The following FILIP1 variants were observed in gnomAD, a reference collection of about 807,000 sequenced individuals.
FILIP1 encodes filamin A interacting protein 1.
In FILIP1, 61 loss-of-function variants were observed where a neutral mutation model predicts 102.1. That is an observed-to-expected ratio of 0.60 (90% confidence interval 0.49 to 0.74). The LOEUF is 0.74. FILIP1 is among the 30% of genes least tolerant of loss of function. The probability of loss-of-function intolerance (pLI) is 0.00; values close to 1 mark genes in which losing one functional copy is unlikely to be tolerated. For synonymous variants in FILIP1, 491 were observed against 526.9 expected (o/e 0.93, Z 0.93); for missense variants, 1,314 against 1,441.2 (o/e 0.91, Z 1.43).
intron 1 of FILIP1, among the ~76,000 whole-genome samples, chr6:75,477,126 A>G (rs992319981): frequency 6.6e-6 from 1 of 152,238 alleles, no homozygotes; most frequent in African/African-American, 2.4e-5. Context: ...GCTTTCATGT[A>G]TATTAATGTT....
chr6:75,476,645 T>G (rs1315653030), intron 1 of FILIP1, among the ~76,000 whole-genome samples: 2 of 152,192 alleles, frequency 1.3e-5, no homozygotes, highest in Non-Finnish European at 2.9e-5. Flanking sequence ...GTTGCTCCAA[T>G]GCACTTATGA....
At chr6:75,421,635 T>C (rs1389219365) in intron 1 of FILIP1, among the ~76,000 whole-genome samples, 1 of 152,144 alleles carries the variant, frequency 6.6e-6, no homozygotes, top group Non-Finnish European at 1.5e-5. Flanking sequence ...TCGTACTGAC[T>C]TCCTCTGCTA....
chr6:75,350,289 G>C (rs945901620), intron 4 of FILIP1, among the ~76,000 whole-genome samples: 1 of 152,012 alleles, frequency 6.6e-6, no homozygotes, highest in Admixed American at 6.6e-5. Flanking sequence ...AAAATTAAGT[G>C]AGAGTCAAAG....
chr6:75,386,713 C>T (rs1776106347), intron 2 of FILIP1, among the ~76,000 whole-genome samples: 1 of 152,180 alleles, frequency 6.6e-6, no homozygotes, highest in Admixed American at 6.6e-5. Context: ...ACGAAGAAAA[C>T]AATTACGTAA....
chr6:75,440,199 T>G (rs1778164656), intron 1 of FILIP1, among the ~76,000 whole-genome samples: 1 of 152,184 alleles, frequency 6.6e-6, no homozygotes, highest in African/African-American at 2.4e-5. Flanking sequence ...AATCTAACAT[T>G]ATTTCAGAAT....
chr6:75,395,306 G>A (rs187637208), intron 2 of FILIP1, among the ~76,000 whole-genome samples: 2 of 152,002 alleles, frequency 1.3e-5, no homozygotes, highest in East Asian at 3.9e-4. Context: ...CTGAGACGGA[G>A]TCTCGCTCTG....
At chr6:75,391,222 A>G (rs906326831) in intron 2 of FILIP1, among the ~76,000 whole-genome samples, 1 of 151,988 alleles carries the variant, frequency 6.6e-6, no homozygotes, top group Non-Finnish European at 1.5e-5. Flanking sequence ...TCAATTGCAT[A>G]CACCCTTAAT....
intron 1 of FILIP1, among the ~76,000 whole-genome samples, chr6:75,437,498 T>C (rs1242890197): frequency 6.6e-6 from 1 of 152,242 alleles, no homozygotes; most frequent in Non-Finnish European, 1.5e-5. Flanking sequence ...AGATGCCTCA[T>C]GGGAGAGCCT....
intron 2 of FILIP1, among the ~76,000 whole-genome samples, chr6:75,410,761 G>GT (rs549910558): frequency 2.8e-4 from 42 of 152,278 alleles, no homozygotes; most frequent in African/African-American, 9.9e-4. Flanking sequence ...GTATTCCATG[G>GT]TGTATATGTG....
intron 2 of FILIP1, among the ~76,000 whole-genome samples, chr6:75,397,549 C>T (rs1476056374): frequency 2.9e-5 from 2 of 69,730 alleles, no homozygotes; most frequent in Non-Finnish European, 5.3e-5. Context: ...CACACACACA[C>T]ACACACACAC....
At chr6:75,330,485 GCC>G (rs1201733200) in intron 4 of FILIP1, among the ~76,000 whole-genome samples, 6 of 151,974 alleles carry the variant, frequency 3.9e-5, no homozygotes, top group African/African-American at 1.2e-4. Flanking sequence ...GTGCAGGAAG[GCC>G]TATTTCACAT....
downstream of FILIP1, among the ~76,000 whole-genome samples, chr6:75,303,178 GAAT>G (rs199723133): frequency 0.025 from 3,840 of 152,248 alleles, 185 homozygotes; most frequent in African/African-American, 0.087. Flanking sequence ...TTGAGATGGA[GAAT>G]AATAAGAGAA....
intron 1 of FILIP1, among the ~76,000 whole-genome samples, chr6:75,450,259 T>C (rs369471931): frequency 6.6e-6 from 1 of 152,166 alleles, no homozygotes; most frequent in African/African-American, 2.4e-5. Context: ...ATTATAGGCA[T>C]GAGCCACCAT....
chr6:75,407,458 C>T (rs763996841), intron 2 of FILIP1, among the ~76,000 whole-genome samples: 25 of 152,176 alleles, frequency 1.6e-4, no homozygotes, highest in Non-Finnish European at 4.4e-5. Context: ...CATCTCCTGA[C>T]CTTGTGATCC....
chr6:75,438,555 T>C (rs534644759), intron 1 of FILIP1, among the ~76,000 whole-genome samples: 1 of 152,044 alleles, frequency 6.6e-6, no homozygotes, highest in Non-Finnish European at 1.5e-5. Context: ...TCAAATTCAC[T>C]CTTGTAACCC....
chr6:75,332,995 CTTAA>C (rs1774130348), intron 4 of FILIP1, among the ~76,000 whole-genome samples: 1 of 152,136 alleles, frequency 6.6e-6, no homozygotes, highest in Non-Finnish European at 1.5e-5. Flanking sequence ...CTGTAAAGCT[CTTAA>C]TTAAGATACT....
rs1410831873 is a variant in FILIP1 at position 75,315,022 on chromosome 6, A to T, written c.810T>A (p.Asp270Glu). The T allele has an allele frequency of 6.2e-7, 1 of 1,614,008 alleles. No homozygotes were observed. The highest frequency in any genetic ancestry group is 8.5e-7 in the Non-Finnish European group (1 of 1,179,986). Reference protein sequence around the residue: ...QLGLQSQKVQDLTQKLREEEE... With the variant: ...QLGLQSQKVQELTQKLREEEE... Reference sequence around the variant, plus strand: ...CTTCTTCCCTCAGCTTCTGAGTAAGATCCTGTACTTTCTGGCTTTGCAGGC... The same window carrying T: ...CTTCTTCCCTCAGCTTCTGAGTAAGTTCCTGTACTTTCTGGCTTTGCAGGC... The change falls in exon 5 of 6, where the codon GAT becomes GAA. Residue 270 changes from aspartate to glutamate, a missense_variant. Asp to Glu is a conservative substitution (Grantham distance 45, BLOSUM62 2). This residue lies in a region of FILIP1 where 494 missense variants were observed against 511.2 expected (regional missense o/e 0.97). Transcript: ENST00000237172.
Position 75,314,389 on chromosome 6 carries a change from T to C in FILIP1, c.1443A>G (p.Glu481=), listed in dbSNP as rs1773347389. ...CCTTTTCCAATCTACTTTCAGAACATTCCAATTCTTTAACTCGACTCTTGA... is the reference window on the plus strand; with the variant it reads ...CCTTTTCCAATCTACTTTCAGAACACTCCAATTCTTTAACTCGACTCTTGA... The part of the protein sequence containing the change: ...EVVKSRVKEL[E]CSESRLEKAE... Residue 481 remains glutamate, a synonymous_variant, in exon 5 of 6, where the codon GAA becomes GAG. Transcript: ENST00000237172. 9 of 1,532,532 alleles carry C rather than the reference T, an allele frequency of 5.9e-6. No homozygotes were observed. The highest frequency in any genetic ancestry group is 2.7e-5 in the South Asian group (2 of 74,682). 94.9% of individuals were successfully genotyped at this position (1,532,532 alleles called of 1,614,324 possible).
chr6:75,396,713 C>T (rs1363912669), intron 2 of FILIP1, among the ~76,000 whole-genome samples: 2 of 152,012 alleles, frequency 1.3e-5, no homozygotes, highest in Non-Finnish European at 2.9e-5. Context: ...TCACAGGCTA[C>T]AAAGGGAAGC....
Sources: allele counts gnomAD v4.1 joint callset (sites outside exome capture counted in the v4.1 genomes callset), GRCh38; gene constraint gnomAD v4.1.1; regional missense constraint gnomAD v4.1.1; transcripts MANE v1.5; gene names NCBI Gene and HGNC (gene_info 2026-07-23, HGNC 2026-07-21).